Variants in BNC2 observed in about 807,000 individuals in gnomAD.
The protein encoded by BNC2 is zinc finger protein basonuclin-2.
In BNC2, 20 loss-of-function variants were observed where a neutral mutation model predicts 76.3. The observed-to-expected ratio is 0.26, with a 90% confidence interval of 0.18 to 0.38. The LOEUF is 0.38. BNC2 is among the 10% of genes least tolerant of loss of function. The pLI is 1.00. For missense variants in BNC2, 1,382 were observed against 1,399.8 expected, an observed-to-expected ratio of 0.99 and a Z score of 0.20; for synonymous variants, 582 against 514.8, an observed-to-expected ratio of 1.13 and a Z score of -1.77.
intron 3 of BNC2, among the ~76,000 whole-genome samples, chr9:16,711,999 G>A (rs1486584657): frequency 6.6e-6 from 1 of 152,154 alleles, no homozygotes. Context: ...AAAATACATG[G>A]ATAAGTGAAA....
intron 5 of BNC2, among the ~76,000 whole-genome samples, chr9:16,537,717 G>A (rs1818173209): frequency 6.6e-6 from 1 of 152,104 alleles, no homozygotes; most frequent in South Asian, 2.1e-4. Context: ...AGGCATATTT[G>A]ACCTGTGGCA....
Position 16,870,532 on chromosome 9 carries a change from G to A in BNC2, c.3+114C>T, listed in dbSNP as rs1056542147. The stretch of plus-strand genomic sequence containing the variant: ...CTCCTCAGCGCCCCTTGCCCCTCAC[G>A]CCGCGGGCCGGAGGGCGGACACGGC... On this transcript the variant is annotated intron_variant, in intron 1 of 6. Coordinates refer to ENST00000380672, the MANE Select transcript of BNC2 (RefSeq NM_017637.6). 3.9e-6 allele frequency: 5 copies of A among 1,271,704 alleles called. No homozygotes were observed. The African/African-American group carries it at 4.7e-5, about 12-fold the overall frequency. The allele number at this position is 1,271,704 out of a possible 1,614,324, so 78.8% of individuals were successfully genotyped here. A position where few individuals can be genotyped will look rare whatever the true frequency, so the allele number is the denominator to read the frequency against.
intron 5 of BNC2, among the ~76,000 whole-genome samples, chr9:16,451,474 A>C (rs1225174622): frequency 6.6e-6 from 1 of 152,114 alleles, no homozygotes; most frequent in Non-Finnish European, 1.5e-5. Context: ...ATAAATAATA[A>C]ATCCTCTTAC....
intron 3 of BNC2, among the ~76,000 whole-genome samples, chr9:16,715,112 G>A (rs1823959932): frequency 1.3e-5 from 2 of 152,186 alleles, no homozygotes; most frequent in South Asian, 4.1e-4. Flanking sequence ...TTTAAGGTGA[G>A]ACGAAAAGCT....
intron 4 of BNC2, among the ~76,000 whole-genome samples, chr9:16,554,088 A>C (rs1358877673): frequency 6.6e-6 from 1 of 152,214 alleles, no homozygotes; most frequent in Non-Finnish European, 1.5e-5. Context: ...CTAAGTTATG[A>C]ACCTAAGGTT....
chr9:16,829,442 GGTGGTGGTGTTCC>G (rs1039883644), intron 1 of BNC2, among the ~76,000 whole-genome samples: 3 of 152,068 alleles, frequency 2.0e-5, no homozygotes, highest in African/African-American at 7.2e-5. Context: ...CTTTTTTGAT[GGTGGTGGTGTTCC>G]GCAGACTTTC....
chr9:16,629,673 G>T (rs937995287), intron 3 of BNC2, among the ~76,000 whole-genome samples: 4 of 151,496 alleles, frequency 2.6e-5, no homozygotes, highest in East Asian at 3.9e-4. Context: ...ATTTTTTTTT[G>T]GTTTCCCAGT....
At chr9:16,661,395 G>A (rs1587286250) in intron 3 of BNC2, among the ~76,000 whole-genome samples, 1 of 152,268 alleles carries the variant, frequency 6.6e-6, no homozygotes, top group African/African-American at 2.4e-5. Flanking sequence ...AAGTTTACTT[G>A]GAGACTGACT....
In BNC2 at chr9:16,727,991, C is replaced by T. The variant is rs1242575883; in HGVS notation, c.136G>A (p.Glu46Lys). 4 of 1,612,988 alleles carry T rather than the reference C, an allele frequency of 2.5e-6. No individual in the cohort carries two copies. Among genetic ancestry groups the T allele is most frequent in the Non-Finnish European group, 3.4e-6 (4 of 1,179,902 alleles). Residue 46 changes from glutamate to lysine, a missense_variant, in exon 3 of 7, where the codon GAG (glutamate) becomes AAG (lysine). This residue lies in a region of BNC2 where 557 missense variants were observed against 540.9 expected (regional missense o/e 1.03). Transcript: ENST00000380672. The stretch of plus-strand genomic sequence containing the variant: ...CTTTCTCTCACATCCACTTCTGCCT[C>T]TTCTGACTGAAAAGTGAAGGTGGAT... ...GVDTSQIESE[E>K]AEVDVRERET...
intron 1 of BNC2, among the ~76,000 whole-genome samples, chr9:16,857,115 TG>T (rs1256131850): frequency 1.3e-5 from 2 of 152,110 alleles, no homozygotes; most frequent in African/African-American, 4.8e-5. Context: ...ATGTGTCAAT[TG>T]GGATAAATGT....
chr9:16,798,510 G>C (rs1331742795), intron 1 of BNC2, among the ~76,000 whole-genome samples: 2 of 152,154 alleles, frequency 1.3e-5, no homozygotes, highest in Non-Finnish European at 2.9e-5. Flanking sequence ...CTAACCCTAA[G>C]ATCAAAGTGA....
intron 1 of BNC2, among the ~76,000 whole-genome samples, chr9:16,850,481 C>T (rs926708512): frequency 6.6e-6 from 1 of 152,198 alleles, no homozygotes; most frequent in African/African-American, 2.4e-5. Context: ...AACAATGCTA[C>T]CATTGCTCAA....
chr9:16,811,073 C>T (rs1349476742), intron 1 of BNC2, among the ~76,000 whole-genome samples: 1 of 151,818 alleles, frequency 6.6e-6, no homozygotes, highest in East Asian at 1.9e-4. Context: ...AAAAAATTAG[C>T]CAGGCATGGT....
At chr9:16,839,563 A>C (rs1371547266) in intron 1 of BNC2, among the ~76,000 whole-genome samples, 1 of 152,202 alleles carries the variant, frequency 6.6e-6, no homozygotes, top group Non-Finnish European at 1.5e-5. Context: ...TGCAGGTTAG[A>C]AGAGAACCCC....
intron 5 of BNC2, among the ~76,000 whole-genome samples, chr9:16,442,640 G>A (rs1474916549): frequency 1.3e-5 from 2 of 152,160 alleles, no homozygotes; most frequent in Non-Finnish European, 2.9e-5. Flanking sequence ...AGACTGTCGA[G>A]GGACCTCAAG....
At chr9:16,825,206 C>T (rs949498642) in intron 1 of BNC2, among the ~76,000 whole-genome samples, 1 of 152,124 alleles carries the variant, frequency 6.6e-6, no homozygotes, top group African/African-American at 2.4e-5. Flanking sequence ...AAGATGGTAC[C>T]TAGAGATGCT....
intron 1 of BNC2, among the ~76,000 whole-genome samples, chr9:16,776,165 G>A (rs936963336): frequency 4.6e-5 from 7 of 151,746 alleles, no homozygotes; most frequent in African/African-American, 1.7e-4. Flanking sequence ...TTAAGAGGGA[G>A]TTTCGCTCTT....
chr9:16,636,697 A>T (rs1453571111), intron 3 of BNC2, among the ~76,000 whole-genome samples: 1 of 152,102 alleles, frequency 6.6e-6, no homozygotes, highest in Non-Finnish European at 1.5e-5. Flanking sequence ...AAAGAACAAC[A>T]AGAAAATACC....
intron 5 of BNC2, among the ~76,000 whole-genome samples, chr9:16,550,601 C>T (rs1190223588): frequency 6.6e-6 from 1 of 152,166 alleles, no homozygotes; most frequent in Admixed American, 6.5e-5. Context: ...AAATGGCAAA[C>T]CAACATAGCC....
Sources: allele counts gnomAD v4.1 joint callset (sites outside exome capture counted in the v4.1 genomes callset), GRCh38; gene constraint gnomAD v4.1.1; regional missense constraint gnomAD v4.1.1; transcripts MANE v1.5; gene names NCBI Gene and HGNC (gene_info 2026-07-23, HGNC 2026-07-21).